CMSS1: variants seen among roughly 807,000 people sequenced by gnomAD.
CMSS1 encodes the protein protein CMSS1.
A neutral mutation model predicts 43.5 loss-of-function variants in CMSS1; 33 were observed. The observed-to-expected ratio is 0.76, with a 90% confidence interval of 0.57 to 1.01. CMSS1 has a LOEUF of 1.01. Ranked by LOEUF, CMSS1 falls within the 50% of genes least tolerant of loss-of-function variation. The pLI is 0.00. For missense variants in CMSS1, 313 were observed against 326.4 expected, an observed-to-expected ratio of 0.96 and a Z score of 0.32; for synonymous variants, 115 against 117.2, an observed-to-expected ratio of 0.98 and a Z score of 0.12.
intron 1 of CMSS1, among the ~76,000 whole-genome samples, chr3:99,975,188 G>A (rs1407336201): frequency 1.3e-5 from 2 of 152,188 alleles, no homozygotes; most frequent in Non-Finnish European, 1.5e-5. Context: ...TTCCTCAGGT[G>A]AAAGGAATTT....
chr3:100,057,523 TC>T (rs2065485718), intron 1 of CMSS1, among the ~76,000 whole-genome samples: 1 of 152,224 alleles, frequency 6.6e-6, no homozygotes, highest in Non-Finnish European at 1.5e-5. Context: ...CATTTTGTGT[TC>T]TGCGTCTTAT....
intron 1 of CMSS1, among the ~76,000 whole-genome samples, chr3:100,077,768 A>C (rs969883025): frequency 1.3e-5 from 2 of 152,082 alleles, no homozygotes; most frequent in Admixed American, 1.3e-4. Context: ...AAATTAGCCA[A>C]GCATGGCTGT....
chr3:100,123,165 G>A (rs1177353752), intron 1 of CMSS1, among the ~76,000 whole-genome samples: 3 of 152,320 alleles, frequency 2.0e-5, no homozygotes, highest in African/African-American at 7.2e-5. Context: ...ACAGAGAACT[G>A]GGGGAGTGAG....
intron 1 of CMSS1, among the ~76,000 whole-genome samples, chr3:99,842,481 GAAAT>G (rs1004539876): frequency 1.7e-5 from 2 of 119,194 alleles, no homozygotes; most frequent in South Asian, 2.8e-4. Flanking sequence ...AAAACCTATT[GAAAT>G]AAATAAATTA....
At chr3:100,121,235 C>T (rs1036437241) in intron 1 of CMSS1, among the ~76,000 whole-genome samples, 4 of 151,800 alleles carry the variant, frequency 2.6e-5, no homozygotes, top group Non-Finnish European at 5.9e-5. Context: ...AATATTATCC[C>T]TCCCCTAGCC....
chr3:100,152,838 G>A (rs977863340), intron 2 of CMSS1, among the ~76,000 whole-genome samples: 2 of 152,092 alleles, frequency 1.3e-5, no homozygotes, highest in African/African-American at 4.8e-5. Context: ...TTTCCAATAA[G>A]ATTTTTCTTT....
At chr3:99,867,096 G>A (rs1019111137) in intron 1 of CMSS1, among the ~76,000 whole-genome samples, 15 of 152,162 alleles carry the variant, frequency 9.9e-5, no homozygotes, top group African/African-American at 3.6e-4. Flanking sequence ...ACATGTTCTA[G>A]AGGATATTAA....
intron 1 of CMSS1, among the ~76,000 whole-genome samples, chr3:99,959,588 A>G (rs972241968): frequency 6.6e-6 from 1 of 152,218 alleles, no homozygotes; most frequent in African/African-American, 2.4e-5. Flanking sequence ...CCACGTGTAT[A>G]ATTTCTTTAG....
chr3:100,161,397 T>A (rs959177049), intron 3 of CMSS1, among the ~76,000 whole-genome samples: 2 of 152,216 alleles, frequency 1.3e-5, no homozygotes, highest in Non-Finnish European at 2.9e-5. Context: ...AGTGTTAAGT[T>A]CTTGGTGGCT....
At chr3:99,981,475 CACAATGATACATGATAAATGAT>C (rs1294015927) in intron 1 of CMSS1, among the ~76,000 whole-genome samples, 7 of 152,140 alleles carry the variant, frequency 4.6e-5, no homozygotes, top group African/African-American at 1.7e-4. Context: ...TCCTAGCACT[CACAATGATACATGATAAATGAT>C]ACAATGATAC....
chr3:99,829,906 C>T (rs891391158), intron 1 of CMSS1, among the ~76,000 whole-genome samples: 3 of 152,130 alleles, frequency 2.0e-5, no homozygotes, highest in African/African-American at 7.2e-5. Context: ...TGCTTTTTCC[C>T]TCCTGGTCAT....
At chr3:99,847,709 A>T (rs1463237326) in intron 1 of CMSS1, among the ~76,000 whole-genome samples, 2 of 152,186 alleles carry the variant, frequency 1.3e-5, no homozygotes, top group Non-Finnish European at 2.9e-5. Flanking sequence ...CTTCTGAAAG[A>T]TCTTATAGTT....
intron 1 of CMSS1, among the ~76,000 whole-genome samples, chr3:99,939,172 G>A (rs927012367): frequency 6.6e-6 from 1 of 152,152 alleles, no homozygotes. Context: ...TCAGAAGGTG[G>A]TGCAGTAGTC....
At chr3:99,842,357 A>T (rs543805226) in intron 1 of CMSS1, among the ~76,000 whole-genome samples, 1 of 152,184 alleles carries the variant, frequency 6.6e-6, no homozygotes, top group Non-Finnish European at 1.5e-5. Flanking sequence ...GGTGTAAGGG[A>T]TAAAAGACTA....
chr3:99,826,333 T>C (rs146516779), intron 1 of CMSS1, among the ~76,000 whole-genome samples: 2,824 of 152,330 alleles, frequency 0.019, 36 homozygotes, highest in Non-Finnish European at 0.03. Context: ...AGCAAACTTT[T>C]TTCATATAAA....
chr3:99,933,524 A>G (rs1178260422), intron 1 of CMSS1, among the ~76,000 whole-genome samples: 1 of 152,332 alleles, frequency 6.6e-6, no homozygotes, highest in East Asian at 1.9e-4. Context: ...AACATTCAAA[A>G]AAGACAAAAA....
At chr3:100,071,238 T>C (rs551503164) in intron 1 of CMSS1, among the ~76,000 whole-genome samples, 1 of 152,272 alleles carries the variant, frequency 6.6e-6, no homozygotes, top group Admixed American at 6.5e-5. Flanking sequence ...GATTTTCTCT[T>C]ACTCACTTCA....
intron 1 of CMSS1, among the ~76,000 whole-genome samples, chr3:100,026,591 A>G (rs1253608674): frequency 5.3e-5 from 8 of 152,140 alleles, no homozygotes; most frequent in Non-Finnish European, 8.8e-5. Flanking sequence ...CTTTTCTTCT[A>G]CTTGTTCAAA....
At chr3:99,910,866 TCAAA>T (rs577030088) in intron 1 of CMSS1, among the ~76,000 whole-genome samples, 165 of 152,280 alleles carry the variant, frequency 1.1e-3, no homozygotes, top group African/African-American at 3.8e-3. Flanking sequence ...GGGCCCAAAC[TCAAA>T]CAATGGCCAA....
Sources: gnomAD v4.1 joint callset for allele counts (sites outside exome capture counted in the v4.1 genomes callset) on GRCh38, gnomAD v4.1.1 for gene constraint, MANE v1.5 for transcripts, NCBI Gene and HGNC (gene_info 2026-07-23, HGNC 2026-07-21) for gene names.